ENTPD1: variants seen among roughly 807,000 people sequenced by gnomAD.
ENTPD1 encodes ectonucleoside triphosphate diphosphohydrolase 1.
A neutral mutation model predicts 57.0 loss-of-function variants in ENTPD1; 33 were observed. The observed-to-expected ratio is 0.58, with a 90% CI of 0.44 to 0.77. ENTPD1 has a LOEUF of 0.77. Among genes scored for constraint, ENTPD1 ranks in the 30% least tolerant of loss-of-function variants. The pLI is 0.00. For synonymous variants in ENTPD1, 202 were observed against 218.8 expected, an observed-to-expected ratio of 0.92 and a Z score of 0.68; for missense variants, 501 against 603.4, an observed-to-expected ratio of 0.83 and a Z score of 1.78.
At chr10:95,701,640 A>G in the ENTPD1 span, among the ~76,000 whole-genome samples, 12 of 152,330 alleles carry the variant, frequency 7.9e-5, no homozygotes, top group African/African-American at 2.2e-4. Context: ...ATTATTTTCA[A>G]TCATACTTGG....
At chr10:95,786,700 T>C (rs941818428) in intron 1 of ENTPD1, among the ~76,000 whole-genome samples, 9 of 152,256 alleles carry the variant, frequency 5.9e-5, no homozygotes, top group Admixed American at 2.6e-4. Context: ...TTATCCAACC[T>C]AGACTTTTCT....
chr10:95,723,554 C>G (rs1001520619), intron 1 of ENTPD1, among the ~76,000 whole-genome samples: 1 of 152,108 alleles, frequency 6.6e-6, no homozygotes, highest in African/African-American at 2.4e-5. Flanking sequence ...AACTCTGAAC[C>G]ATTAGTACCT....
In ENTPD1 at chr10:95,844,462, C is replaced by T; in HGVS notation, c.414-14C>T. 1 of 1,613,958 alleles carries T rather than the reference C, an allele frequency of 6.2e-7. No individual in the cohort carries two copies. Among genetic ancestry groups the T allele is most frequent in the South Asian group, 1.1e-5 (1 of 91,076 alleles). On this transcript the variant is annotated splice_polypyrimidine_tract_variant and intron_variant, in intron 4 of 9. Transcript: ENST00000371205. ...TAAAACAAAAATGATAACCTCAGCT[C>T]TTCCTTTGTACAGGATGGAAAGTGA...
chr10:95,706,025 G>A, the ENTPD1 span, among the ~76,000 whole-genome samples: 1 of 152,204 alleles, frequency 6.6e-6, no homozygotes, highest in South Asian at 2.1e-4. Context: ...CTTGAGCCTG[G>A]GAGGTCAAGG....
At chr10:95,858,013 C>T (rs1224297775) in intron 7 of ENTPD1, among the ~76,000 whole-genome samples, 2 of 152,044 alleles carry the variant, frequency 1.3e-5, no homozygotes, top group Non-Finnish European at 2.9e-5. Context: ...TACAAATTAG[C>T]CGGGCGTGGT....
intron 8 of ENTPD1, among the ~76,000 whole-genome samples, chr10:95,862,926 A>G (rs955797535): frequency 2.0e-5 from 3 of 152,214 alleles, no homozygotes; most frequent in African/African-American, 7.2e-5. Context: ...GAGGATATCC[A>G]TGAAGAGAAA....
In ENTPD1 at chr10:95,860,503, T is replaced by A. The variant is rs1309641888; in HGVS notation, c.1109T>A (p.Leu370Ter). The change falls in exon 8 of 10, where the codon TTA becomes TAA. Residue 370 changes from leucine (L) to a stop codon, truncating the protein, a stop_gained. Coordinates refer to ENST00000371205, the MANE Select transcript of ENTPD1 (RefSeq NM_001776.6). LOFTEE classifies it high-confidence loss of function. ...FSAFYFVMKF[L>*]NLTSEKVSQE... ...GCTTTTTACTTTGTGATGAAGTTTT[T>A]AAACTTGACATCAGAGAAAGTCTCT... is the stretch of plus-strand genomic sequence containing the variant. The A allele has an allele frequency of 1.2e-6, 2 of 1,613,802 alleles. No homozygotes were observed. Among genetic ancestry groups the A allele is most frequent in the Non-Finnish European group, 1.7e-6 (2 of 1,179,850 alleles).
chr10:95,728,812 T>C (rs1322762144), intron 1 of ENTPD1, among the ~76,000 whole-genome samples: 2 of 152,216 alleles, frequency 1.3e-5, no homozygotes, highest in Admixed American at 6.6e-5. Context: ...GTGAATTTTA[T>C]GAAGTTATGA....
At chr10:95,737,647 A>C (rs2097996103) in intron 1 of ENTPD1, among the ~76,000 whole-genome samples, 1 of 152,198 alleles carries the variant, frequency 6.6e-6, no homozygotes, top group Admixed American at 6.5e-5. Context: ...TCGGCCTCCC[A>C]AAGTGCTGCC....
At chr10:95,773,448 T>C (rs979298058) in intron 1 of ENTPD1, among the ~76,000 whole-genome samples, 1 of 152,130 alleles carries the variant, frequency 6.6e-6, no homozygotes, top group African/African-American at 2.4e-5. Context: ...ACATCAACAG[T>C]GGGCTTAAAA....
intron 1 of ENTPD1, among the ~76,000 whole-genome samples, chr10:95,809,572 G>T (rs902157206): frequency 7.8e-6 from 1 of 128,586 alleles, no homozygotes; most frequent in African/African-American, 2.7e-5. Flanking sequence ...GCTGGGCAGA[G>T]GCGCCCCCCC....
intron 4 of ENTPD1, among the ~76,000 whole-genome samples, chr10:95,843,828 C>T (rs975584976): frequency 4.6e-5 from 7 of 152,202 alleles, no homozygotes; most frequent in African/African-American, 1.7e-4. Flanking sequence ...CATCCTCTCG[C>T]TCAGAGACTC....
intron 1 of ENTPD1, among the ~76,000 whole-genome samples, chr10:95,821,921 G>A (rs115814820): frequency 0.034 from 5,111 of 151,852 alleles, 119 homozygotes; most frequent in Non-Finnish European, 0.049. Flanking sequence ...AAAATGGAGG[G>A]AATGGTGCAA....
Position 95,870,019 on chromosome 10 carries a change from C to T in ENTPD1, c.*3636C>T. The T allele has an allele frequency of 1.0e-6, 1 of 985,302 alleles. No individual in the cohort carries two copies. Among genetic ancestry groups the T allele is most frequent in the African/African-American group, 1.7e-5 (1 of 57,322 alleles). 61.0% of individuals were successfully genotyped at this position (985,302 alleles called of 1,614,324 possible). ...AGGAACTAAGCCCTCATTGTCTTTC[C>T]CTTGGGAGGTAGTTTAAAGAGCTAT... On this transcript the variant is annotated 3_prime_UTR_variant, in exon 10 of 10. Coordinates refer to ENST00000371205, the MANE Select transcript of ENTPD1 (RefSeq NM_001776.6).
chr10:95,785,258 G>A (rs892588010), intron 1 of ENTPD1: 1 of 152,166 alleles, frequency 6.6e-6, no homozygotes, highest in African/African-American at 2.4e-5. Context: ...GAAAAAATGG[G>A]AGGTAGAACA....
At chr10:95,767,425 G>A (rs1263587472) in intron 1 of ENTPD1, among the ~76,000 whole-genome samples, 1 of 151,004 alleles carries the variant, frequency 6.6e-6, no homozygotes, top group East Asian at 1.9e-4. Flanking sequence ...TATGAGAGAA[G>A]GATTAAGAGT....
At chr10:95,717,843 C>T (rs2097973300) in intron 1 of ENTPD1, among the ~76,000 whole-genome samples, 1 of 152,166 alleles carries the variant, frequency 6.6e-6, no homozygotes, top group African/African-American at 2.4e-5. Context: ...AGAGCATGGG[C>T]TAGCAGGCCG....
Position 95,868,739 on chromosome 10 carries a change from T to G in ENTPD1, c.*2356T>G. ...TTGAAGCCTATTGCTTTTTCTTTTC[T>G]AAACACTTTCCCTCAGCAAGTTGGA... On this transcript the variant is annotated 3_prime_UTR_variant, in exon 10 of 10. Coordinates refer to ENST00000371205, the MANE Select transcript of ENTPD1 (RefSeq NM_001776.6). 1 of 985,378 alleles carries G rather than the reference T, an allele frequency of 1.0e-6. No homozygotes were observed. Among genetic ancestry groups the G allele is most frequent in the Non-Finnish European group, 1.2e-6 (1 of 829,904 alleles). 61.0% of individuals were successfully genotyped at this position (985,378 alleles called of 1,614,324 possible).
intron 1 of ENTPD1, among the ~76,000 whole-genome samples, chr10:95,769,471 A>G (rs917174204): frequency 3.3e-5 from 5 of 152,252 alleles, no homozygotes; most frequent in Admixed American, 1.3e-4. Flanking sequence ...GTTGGAGTGG[A>G]GAAAGCAAGG....
Sources: allele counts gnomAD v4.1 joint callset (sites outside exome capture counted in the v4.1 genomes callset), GRCh38; gene constraint gnomAD v4.1.1; transcripts MANE v1.5; gene names NCBI Gene and HGNC (gene_info 2026-07-23, HGNC 2026-07-21).